IL2RA: variants seen among roughly 807,000 people sequenced by gnomAD.
The protein encoded by IL2RA is interleukin-2 receptor subunit alpha.
IL2RA carries 24 observed loss-of-function variants against 37.8 expected under a neutral mutation model. The ratio of observed to expected loss-of-function variants is 0.63; its 90% confidence interval spans 0.46 to 0.89. The LOEUF (loss-of-function observed/expected upper bound fraction) is 0.89, where lower values mean the gene tolerates loss of function less well. Among genes scored for constraint, IL2RA ranks in the 40% least tolerant of loss-of-function variants. The pLI, the probability that IL2RA is intolerant of heterozygous loss-of-function variation, is 0.00. For synonymous variants in IL2RA, 125 were observed against 114.6 expected (o/e 1.09, Z -0.58); for missense variants, 319 against 348.6 (o/e 0.92, Z 0.68).
At chr10:6,052,228 CCTCT>C (rs1839974203) in intron 1 of IL2RA, among the ~76,000 whole-genome samples, 1 of 152,130 alleles carries the variant, frequency 6.6e-6, no homozygotes, top group South Asian at 2.1e-4. Context: ...TCTCTGCTGT[CCTCT>C]CTGTCACATC....
In IL2RA at chr10:6,058,709, G is replaced by A. The variant is rs1348607896; in HGVS notation, c.64+3379C>T. On this transcript the variant is annotated intron_variant, in intron 1 of 7. Coordinates refer to ENST00000379959, the MANE Select transcript of IL2RA (RefSeq NM_000417.3). This position sits in a 1 kb window ranked among gnomAD's most constrained non-coding sequence, Gnocchi z 4.2. Reference sequence around the variant, plus strand: ...ATTATTTTTGAGTCTAGAGGATAAAGATTTGATCACAGAATTCCTAGAATG... The same window carrying A: ...ATTATTTTTGAGTCTAGAGGATAAAAATTTGATCACAGAATTCCTAGAATG... Among the ~76,000 whole-genome samples the A allele has an allele frequency of 6.6e-6, 1 of 152,152 alleles. No homozygotes were observed. Among genetic ancestry groups the A allele is most frequent in the Admixed American group, 6.5e-5 (1 of 15,278 alleles).
Position 6,025,749 on chromosome 10 carries a change from T to C in IL2RA, c.256+85A>G, listed in dbSNP as rs1197736817. 3.9e-6 allele frequency: 5 copies of C among 1,298,026 alleles called. No individual in the cohort carries two copies. Among genetic ancestry groups the C allele is most frequent in the East Asian group, 4.6e-5 (2 of 43,382 alleles). 80.4% of individuals were successfully genotyped at this position (1,298,026 alleles called of 1,614,324 possible). A position where few individuals can be genotyped will look rare whatever the true frequency, so the allele number is the denominator to read the frequency against. On this transcript the variant is annotated intron_variant, in intron 2 of 7. Coordinates refer to ENST00000379959, the MANE Select transcript of IL2RA (RefSeq NM_000417.3). The surrounding 1 kb of genome is among the most constrained non-coding windows in gnomAD (Gnocchi z 4.4). Reference sequence around the variant, plus strand: ...GACTGGACTGGCCCATTTGTGTCTATAGGGCTGAGTGAACAAAAGCTGGGC... The same window carrying C: ...GACTGGACTGGCCCATTTGTGTCTACAGGGCTGAGTGAACAAAAGCTGGGC...
intron 3 of IL2RA, 45 bp downstream of exon 3, chr10:6,024,199 G>A (rs1413010851): frequency 1.6e-6 from 2 of 1,248,408 alleles, no homozygotes; most frequent in East Asian, 4.6e-5. Context: ...TGCAGGAGAA[G>A]GGTGCGCTAG....
In IL2RA at chr10:6,047,968, G is replaced by A. The variant is rs2132890183; in HGVS notation, c.64+14120C>T. 6.6e-6 allele frequency among the ~76,000 whole-genome samples: 1 copy of A among 152,346 alleles called. No homozygotes were observed. Among genetic ancestry groups the A allele is most frequent in the East Asian group, 1.9e-4 (1 of 5,186 alleles). ...GAACTAAGGCACAGAGAGGCCCAGT[G>A]ACTTGCCCAGAGACACACAGCCCCT... is the stretch of plus-strand genomic sequence containing the variant. On this transcript the variant is annotated intron_variant, in intron 1 of 7. Transcript: ENST00000379959. This position sits in a 1 kb window ranked among gnomAD's most constrained non-coding sequence, Gnocchi z 5.0.
intron 1 of IL2RA, among the ~76,000 whole-genome samples, chr10:6,049,955 A>G (rs750234594): frequency 2.1e-4 from 32 of 152,134 alleles, no homozygotes; most frequent in Non-Finnish European, 4.3e-4. Flanking sequence ...ATCACAAATG[A>G]GGAGGTTCCC....
At chr10:6,051,026 C>A (rs117119468) in intron 1 of IL2RA, among the ~76,000 whole-genome samples, 1 of 151,652 alleles carries the variant, frequency 6.6e-6, no homozygotes, top group Non-Finnish European at 1.5e-5. Flanking sequence ...TCTGGAGAGA[C>A]GGCTCTTTTA....
At position 6,020,437 on chromosome 10, in the gene IL2RA, T is replaced by G. The variant is rs1348956634; in HGVS notation, c.584-496A>C. On this transcript the variant is annotated intron_variant, in intron 4 of 7. Coordinates refer to ENST00000379959, the MANE Select transcript of IL2RA (RefSeq NM_000417.3). This position sits in a 1 kb window ranked among gnomAD's most constrained non-coding sequence, Gnocchi z 5.6. ...TGTCAGGGTGGCCCAGGGAAGCAGC[T>G]AAGGGAACAAAACAGCCTCCCTAGG... Among the ~76,000 whole-genome samples the G allele has an allele frequency of 1.3e-5, 2 of 151,946 alleles. No individual in the cohort carries two copies. Among genetic ancestry groups the G allele is most frequent in the African/African-American group, 4.8e-5 (2 of 41,352 alleles).
rs1839859207 is a variant in IL2RA at position 6,046,358 on chromosome 10, G to C, written c.64+15730C>G. ...GCTAGTCTACTGTGATTTTGCTTAA[G>C]AAGGGTTCAGTAGAGACAAACAGCA... On this transcript the variant is annotated intron_variant, in intron 1 of 7. Coordinates refer to ENST00000379959, the MANE Select transcript of IL2RA (RefSeq NM_000417.3). This position sits in a 1 kb window ranked among gnomAD's most constrained non-coding sequence, Gnocchi z 4.8. 6.6e-6 allele frequency among the ~76,000 whole-genome samples: 1 copy of C among 152,190 alleles called. No individual in the cohort carries two copies. Among genetic ancestry groups the C allele is most frequent in the African/African-American group, 2.4e-5 (1 of 41,440 alleles).
At chr10:6,053,475 G>A (rs1211376538) in intron 1 of IL2RA, among the ~76,000 whole-genome samples, 1 of 152,172 alleles carries the variant, frequency 6.6e-6, no homozygotes, top group Non-Finnish European at 1.5e-5. Context: ...AAGAACGAAA[G>A]GAAACATAAC....
In IL2RA at chr10:6,028,329, G is replaced by GCCC. The variant is rs1258495465; in HGVS notation, c.65-2307_65-2305dup. ...ACAGGGCAGAACTCAGTGAAACTTA[G>GCCC]CCCTGATTGTCCATTGTGAGGGCTG... On this transcript the variant is annotated intron_variant, in intron 1 of 7. Coordinates refer to ENST00000379959, the MANE Select transcript of IL2RA (RefSeq NM_000417.3). This position sits in a 1 kb window ranked among gnomAD's most constrained non-coding sequence, Gnocchi z 4.1. Among the ~76,000 whole-genome samples, 1 of 152,198 alleles carries GCCC rather than the reference G, an allele frequency of 6.6e-6. No individual in the cohort carries two copies. Among genetic ancestry groups the GCCC allele is most frequent in the Non-Finnish European group, 1.5e-5 (1 of 68,036 alleles).
chr10:6,028,855 C>T lies in IL2RA; in HGVS notation c.65-2830G>A, dbSNP rs1482581208. On this transcript the variant is annotated intron_variant, in intron 1 of 7. Transcript: ENST00000379959. The surrounding 1 kb of genome is among the most constrained non-coding windows in gnomAD (Gnocchi z 4.1). Reference sequence around the variant, plus strand: ...TATACTAAAAATACAAAAGATCAGCCGAGTGTGGCAGCGCATGTCTGTAGT... The same window carrying T: ...TATACTAAAAATACAAAAGATCAGCTGAGTGTGGCAGCGCATGTCTGTAGT... 5.3e-5 allele frequency among the ~76,000 whole-genome samples: 8 copies of T among 151,884 alleles called. No homozygotes were observed. Among genetic ancestry groups the T allele is most frequent in the Non-Finnish European group, 1.0e-4 (7 of 67,996 alleles).
chr10:6,053,701 C>G (rs1038870830), intron 1 of IL2RA, among the ~76,000 whole-genome samples: 2 of 152,190 alleles, frequency 1.3e-5, no homozygotes, highest in African/African-American at 4.8e-5. Context: ...CACTATGTTG[C>G]CCAGGCTGGT....
chr10:6,060,482 C>A (rs975852219), intron 1 of IL2RA, among the ~76,000 whole-genome samples: 1 of 152,150 alleles, frequency 6.6e-6, no homozygotes, highest in Non-Finnish European at 1.5e-5. Flanking sequence ...ATAGGTCAGG[C>A]GCGATGGCTC....
Position 6,012,611 on chromosome 10 carries a change from T to G in IL2RA, c.*261A>C. The G allele has an allele frequency of 1.7e-6, 1 of 583,738 alleles. No individual in the cohort carries two copies. The highest frequency in any genetic ancestry group is 2.0e-5 in the South Asian group (1 of 48,946). 36.2% of individuals were successfully genotyped at this position (583,738 alleles called of 1,614,324 possible). On this transcript the variant is annotated 3_prime_UTR_variant, in exon 8 of 8. Coordinates refer to ENST00000379959, the MANE Select transcript of IL2RA (RefSeq NM_000417.3). The surrounding 1 kb of genome is among the most constrained non-coding windows in gnomAD (Gnocchi z 4.8). Reference sequence around the variant, plus strand: ...ATGAAAATAAGATGGAGAGTTCTAGTGGTTTTGCCCTTCCTCTTCAACGGC... The same window carrying G: ...ATGAAAATAAGATGGAGAGTTCTAGGGGTTTTGCCCTTCCTCTTCAACGGC...
rs1249396139 is a variant in IL2RA at position 6,015,141 on chromosome 10, G to A, written c.795-2245C>T. On this transcript the variant is annotated intron_variant, in intron 7 of 7. Coordinates refer to ENST00000379959, the MANE Select transcript of IL2RA (RefSeq NM_000417.3). The surrounding 1 kb of genome is among the most constrained non-coding windows in gnomAD (Gnocchi z 4.9). ...AGAGTCTTGCTGTGTCACCCAGGGT[G>A]GAGTGCAGTGGTACGATCTCAGCTC... is the stretch of plus-strand genomic sequence containing the variant. Among the ~76,000 whole-genome samples, 1 of 151,384 alleles carries A rather than the reference G, an allele frequency of 6.6e-6. No individual in the cohort carries two copies. Among genetic ancestry groups the A allele is most frequent in the Admixed American group, 6.6e-5 (1 of 15,200 alleles).
chr10:6,053,776 T>C (rs534781676), intron 1 of IL2RA, among the ~76,000 whole-genome samples: 58 of 152,372 alleles, frequency 3.8e-4, no homozygotes, highest in Admixed American at 7.8e-4. Flanking sequence ...ATTACAGGAA[T>C]GAGCCACTGC....
rs1026946946 is a variant in IL2RA, at chr10:6,048,040, G to A, written c.64+14048C>T. ...GACCCAGGCAGCCTGACAAGTGCGT[G>A]CTCTTACGCACAAGTGTCTGCCTGT... On this transcript the variant is annotated intron_variant, in intron 1 of 7. Transcript: ENST00000379959. The surrounding 1 kb of genome is among the most constrained non-coding windows in gnomAD (Gnocchi z 5.3). Among the ~76,000 whole-genome samples the A allele has an allele frequency of 1.3e-5, 2 of 152,196 alleles. No individual in the cohort carries two copies. Among genetic ancestry groups the A allele is most frequent in the Admixed American group, 1.3e-4 (2 of 15,278 alleles).
Position 6,025,705 on chromosome 10 carries a change from T to TA in IL2RA, c.256+128dup. On this transcript the variant is annotated intron_variant, in intron 2 of 7. Coordinates refer to ENST00000379959, the MANE Select transcript of IL2RA (RefSeq NM_000417.3). The surrounding 1 kb of genome is among the most constrained non-coding windows in gnomAD (Gnocchi z 4.4). ...TAGTGAATGACTTTTCAGGAACCAC[T>TA]AAAATTAGTTATCCTGTAGACTGGA... 9 of 880,280 alleles carry TA rather than the reference T, an allele frequency of 1.0e-5. No individual in the cohort carries two copies. In the South Asian group the frequency reaches 1.3e-4, roughly 13 times the overall value. The allele number at this position is 880,280 out of a possible 1,614,324, so 54.5% of individuals were successfully genotyped here. A position where few individuals can be genotyped will look rare whatever the true frequency, so the allele number is the denominator to read the frequency against.
intron 1 of IL2RA, among the ~76,000 whole-genome samples, chr10:6,042,094 A>C (rs942755289): frequency 6.9e-6 from 1 of 144,296 alleles, no homozygotes; most frequent in Non-Finnish European, 1.5e-5. Context: ...TTAATTCTAC[A>C]GTCAAACTGG....
Sources: allele counts gnomAD v4.1 joint callset (sites outside exome capture counted in the v4.1 genomes callset), GRCh38; gene constraint gnomAD v4.1.1; non-coding constraint Gnocchi (gnomAD v3.1); transcripts MANE v1.5; gene names NCBI Gene and HGNC (gene_info 2026-07-23, HGNC 2026-07-21).